EDIL3: variants seen among roughly 807,000 people sequenced by gnomAD.
The protein encoded by EDIL3 is EGF-like repeat and discoidin I-like domain-containing protein 3.
A neutral mutation model predicts 67.4 loss-of-function variants in EDIL3; 37 were observed. That is an observed-to-expected ratio of 0.55 (90% CI 0.42 to 0.72). The LOEUF is 0.72. EDIL3 is among the 30% of genes least tolerant of loss of function. The pLI is 0.00. For missense variants in EDIL3, 527 were observed against 586.3 expected, an observed-to-expected ratio of 0.90 and a Z score of 1.04; for synonymous variants, 195 against 196.3, an observed-to-expected ratio of 0.99 and a Z score of 0.05.
At chr5:84,060,630 T>C (rs1433658083) in intron 8 of EDIL3, 146 bp from the exon 9 acceptor site, 5 of 873,996 alleles carry the variant, frequency 5.7e-6, no homozygotes, top group East Asian at 2.9e-5. Context: ...AAAAAAGCTA[T>C]AATCAGAAAT....
At chr5:84,072,719 A>G (rs1405507497) in intron 6 of EDIL3, among the ~76,000 whole-genome samples, 1 of 152,210 alleles carries the variant, frequency 6.6e-6, no homozygotes, top group Non-Finnish European at 1.5e-5. Flanking sequence ...TAAAGTATCT[A>G]TAAATAGGCA....
At chr5:84,194,738 G>A (rs993004737) in intron 3 of EDIL3, among the ~76,000 whole-genome samples, 2 of 151,718 alleles carry the variant, frequency 1.3e-5, no homozygotes, top group South Asian at 4.1e-4. Flanking sequence ...TAAATTCTAT[G>A]TTACATTAAT....
intron 9 of EDIL3, among the ~76,000 whole-genome samples, chr5:84,035,313 A>G (rs1207198863): frequency 6.6e-6 from 1 of 152,138 alleles, no homozygotes; most frequent in Non-Finnish European, 1.5e-5. Flanking sequence ...TAGGATCATA[A>G]TTTCATTTCC....
At chr5:84,030,831 G>A (rs1745906177) in intron 9 of EDIL3, among the ~76,000 whole-genome samples, 2 of 152,118 alleles carry the variant, frequency 1.3e-5, no homozygotes, top group African/African-American at 4.8e-5. Flanking sequence ...TCTGGCTTCA[G>A]TACACTTCTG....
At chr5:84,352,960 G>T (rs553157593) in intron 1 of EDIL3, among the ~76,000 whole-genome samples, 1 of 152,196 alleles carries the variant, frequency 6.6e-6, no homozygotes, top group South Asian at 2.1e-4. Flanking sequence ...AGGTATTGGG[G>T]CAGGAACAGC....
chr5:83,975,797 A>C (rs971455682), intron 9 of EDIL3, among the ~76,000 whole-genome samples: 1 of 151,898 alleles, frequency 6.6e-6, no homozygotes, highest in Non-Finnish European at 1.5e-5. Context: ...TAAAAGTATA[A>C]TATCAGAAAA....
intron 10 of EDIL3, among the ~76,000 whole-genome samples, chr5:83,957,293 C>T (rs1357330347): frequency 6.6e-6 from 1 of 151,674 alleles, no homozygotes; most frequent in Non-Finnish European, 1.5e-5. Flanking sequence ...TATCATCTTC[C>T]TCTGTGATTG....
intron 4 of EDIL3, among the ~76,000 whole-genome samples, chr5:84,173,059 T>C (rs904403910): frequency 1.3e-5 from 2 of 152,058 alleles, no homozygotes; most frequent in Non-Finnish European, 2.9e-5. Flanking sequence ...GAAAACTCCA[T>C]GAGTGCCCAG....
At chr5:83,954,933 T>C (rs1376970836) in intron 10 of EDIL3, among the ~76,000 whole-genome samples, 1 of 151,804 alleles carries the variant, frequency 6.6e-6, no homozygotes, top group African/African-American at 2.4e-5. Context: ...CATCACTGAA[T>C]TTTAAACAAT....
chr5:84,190,132 A>C (rs1002484098), intron 3 of EDIL3, among the ~76,000 whole-genome samples: 7 of 152,138 alleles, frequency 4.6e-5, no homozygotes, highest in Middle Eastern at 3.4e-3. Context: ...GATAATCAAC[A>C]TATTTTTATT....
At chr5:84,189,704 A>G (rs1287572436) in intron 3 of EDIL3, among the ~76,000 whole-genome samples, 3 of 152,022 alleles carry the variant, frequency 2.0e-5, no homozygotes, top group Admixed American at 6.6e-5. Flanking sequence ...AGAATGTTTT[A>G]TTACTCAAAG....
intron 6 of EDIL3, among the ~76,000 whole-genome samples, chr5:84,071,227 C>T (rs894795792): frequency 2.0e-5 from 3 of 152,158 alleles, no homozygotes; most frequent in Admixed American, 6.5e-5. Flanking sequence ...TATAATTCTG[C>T]TATAAGGTAT....
rs116820514 is a variant in EDIL3 at position 84,086,857 on chromosome 5, C to T, written c.651+19792G>A. On this transcript the variant is annotated intron_variant, in intron 6 of 10. Coordinates refer to ENST00000296591, the MANE Select transcript of EDIL3 (RefSeq NM_005711.5). Reference sequence around the variant, plus strand: ...TCAGGGCCCCAGGTATCCTCTGTCTCGTTACCCAGTGTATATACCTGATCC... The same window carrying T: ...TCAGGGCCCCAGGTATCCTCTGTCTTGTTACCCAGTGTATATACCTGATCC... Among the ~76,000 whole-genome samples, 995 of 152,222 alleles carry T rather than the reference C, an allele frequency of 6.5e-3. 5 individuals carry two copies. Among genetic ancestry groups the T allele is most frequent in the Non-Finnish European group, 0.011 (716 of 68,018 alleles).
intron 4 of EDIL3, among the ~76,000 whole-genome samples, chr5:84,154,789 TC>T (rs964958237): frequency 7.1e-6 from 1 of 140,898 alleles, no homozygotes; most frequent in African/African-American, 2.6e-5. Flanking sequence ...AACCTCTGCC[TC>T]CCAGGTTCAA....
intron 5 of EDIL3, among the ~76,000 whole-genome samples, chr5:84,115,872 T>G (rs1747654663): frequency 6.6e-6 from 1 of 152,158 alleles, no homozygotes; most frequent in African/African-American, 2.4e-5. Context: ...TGAAGAAACA[T>G]GAGTCAAATA....
chr5:84,301,232 C>T (rs1746154309), intron 1 of EDIL3, among the ~76,000 whole-genome samples: 1 of 149,138 alleles, frequency 6.7e-6, no homozygotes, highest in Admixed American at 6.7e-5. Context: ...CATGCCATTG[C>T]ACTCCAGCCT....
At chr5:84,224,246 A>G (rs1375662674) in intron 3 of EDIL3, among the ~76,000 whole-genome samples, 2 of 151,512 alleles carry the variant, frequency 1.3e-5, no homozygotes, top group Non-Finnish European at 3.0e-5. Context: ...CCTGTATTAA[A>G]TGATTTCCTT....
intron 2 of EDIL3, among the ~76,000 whole-genome samples, chr5:84,239,371 G>A (rs1479840960): frequency 6.6e-6 from 1 of 152,074 alleles, no homozygotes; most frequent in Non-Finnish European, 1.5e-5. Flanking sequence ...TGTTTAGGCG[G>A]CTTTATAACA....
intron 1 of EDIL3, among the ~76,000 whole-genome samples, chr5:84,327,948 C>CT (rs1203237642): frequency 1.3e-5 from 2 of 152,002 alleles, no homozygotes; most frequent in Non-Finnish European, 2.9e-5. Flanking sequence ...CCATGGAAGT[C>CT]TTACCAGCAT....
Sources: gnomAD v4.1 joint callset for allele counts (sites outside exome capture counted in the v4.1 genomes callset) on GRCh38, gnomAD v4.1.1 for gene constraint, MANE v1.5 for transcripts, NCBI Gene and HGNC (gene_info 2026-07-23, HGNC 2026-07-21) for gene names.